Variants in CNPY3 observed in about 807,000 individuals in gnomAD.
The protein encoded by CNPY3 is protein canopy homolog 3.
A neutral mutation model predicts 32.0 loss-of-function variants in CNPY3; 20 were observed. That is an observed-to-expected ratio of 0.63 (90% CI 0.44 to 0.91). CNPY3 has a LOEUF of 0.91. Among genes scored for constraint, CNPY3 ranks in the 40% least tolerant of loss-of-function variants. The probability of loss-of-function intolerance (pLI) is 0.00; values close to 1 mark genes in which losing one functional copy is unlikely to be tolerated. For synonymous variants in CNPY3, 138 were observed against 142.9 expected (o/e 0.97, Z 0.24); for missense variants, 299 against 340.8 (o/e 0.88, Z 0.97).
intron 3 of CNPY3, among the ~76,000 whole-genome samples, chr6:42,937,016 A>G (rs75385607): frequency 6.6e-6 from 1 of 152,180 alleles, no homozygotes; most frequent in East Asian, 1.9e-4. Context: ...GCTAGCAGAG[A>G]TAGTTTTTAC....
At chr6:42,938,284 G>GC in intron 5 of CNPY3, 77 bp downstream of exon 5, 2 of 1,116,642 alleles carry the variant, frequency 1.8e-6, no homozygotes, top group Non-Finnish European at 2.7e-6. Flanking sequence ...GGTAGGAGGA[G>GC]AAACAGAGGG....
rs769648687 is a variant in CNPY3 at position 42,929,598 on chromosome 6, C to G, written c.28C>G (p.Arg10Gly). The change falls in exon 1 of 6, where the codon CGC (arginine) becomes GGC (glycine). Residue 10 changes from arginine to glycine, a missense_variant. Transcript: ENST00000372836. The part of the protein sequence containing the change: MDSMPEPAS[R>G]CLLLLPLLLL... Reference sequence around the variant, plus strand: ...GGATTCAATGCCTGAGCCCGCGTCCCGCTGTCTTCTGCTTCTTCCCTTGCT... The same window carrying G: ...GGATTCAATGCCTGAGCCCGCGTCCGGCTGTCTTCTGCTTCTTCCCTTGCT... The G allele has an allele frequency of 1.3e-6, 2 of 1,572,828 alleles. No homozygotes were observed. The highest frequency in any genetic ancestry group is 1.2e-5 in the South Asian group (1 of 86,572).
rs371606876 is a variant in CNPY3 at position 42,938,666 on chromosome 6, G to A, written c.712G>A (p.Gly238Ser). Residue 238 changes from glycine (G) to serine (S), a missense_variant, in exon 6 of 6, where the codon GGC becomes AGC. Around this residue, in one of 2 missense-constraint regions of CNPY3, gnomAD observed 211 missense variants for 278.3 expected, o/e 0.76. Coordinates refer to ENST00000372836, the MANE Select transcript of CNPY3 (RefSeq NM_006586.5). ...KKSSRAKAAG[G>S]RSSSSKQRKE... ...GAGCAGCAGGGCCAAGGCAGCAGGC[G>A]GCAGGAGTAGCAGCAGCAAACAAAG... 8.7e-6 allele frequency: 14 copies of A among 1,613,414 alleles called. No individual in the cohort carries two copies. The East Asian group carries it at 1.1e-4, about 13-fold the overall frequency.
rs1030304629 is a variant in CNPY3, at chr6:42,938,957, G to T, written c.*166G>T. 2.1e-6 allele frequency: 3 copies of T among 1,408,520 alleles called. No individual in the cohort carries two copies. The highest frequency in any genetic ancestry group is 5.2e-5 in the East Asian group (2 of 38,552). 87.3% of individuals were successfully genotyped at this position (1,408,520 alleles called of 1,614,324 possible). On this transcript the variant is annotated 3_prime_UTR_variant, in exon 6 of 6. Coordinates refer to ENST00000372836, the MANE Select transcript of CNPY3 (RefSeq NM_006586.5). ...CAAGCCCCAGGAAGAACTCAGAGCC[G>T]TCATGGGTAGCCCACGCCGTCCTTT...
intron 1 of CNPY3, among the ~76,000 whole-genome samples, chr6:42,932,880 G>T (rs890623557): frequency 2.0e-5 from 3 of 152,208 alleles, no homozygotes; most frequent in African/African-American, 7.2e-5. Flanking sequence ...TGTGCTGTCA[G>T]TGTTAAAACT....
At chr6:42,935,764 C>T in intron 3 of CNPY3, 94 bp downstream of exon 3, 1 of 1,348,464 alleles carries the variant, frequency 7.4e-7, no homozygotes, top group Admixed American at 2.0e-5. Context: ...AAGATGACCA[C>T]CTGGGATCTT....
At chr6:42,930,747 G>T (rs1028229391) in intron 1 of CNPY3, among the ~76,000 whole-genome samples, 3 of 152,158 alleles carry the variant, frequency 2.0e-5, no homozygotes, top group African/African-American at 7.2e-5. Context: ...CTAAACACTG[G>T]AAAGTGGGTT....
At chr6:42,935,796 C>G (rs1240154159) in intron 3 of CNPY3, 126 bp downstream of exon 3, 15 of 1,097,066 alleles carry the variant, frequency 1.4e-5, no homozygotes, top group African/African-American at 4.7e-5. Flanking sequence ...TCTTCCCATT[C>G]TTTGATTGCC....
At chr6:42,936,839 C>T (rs570665452) in intron 3 of CNPY3, among the ~76,000 whole-genome samples, 5 of 152,202 alleles carry the variant, frequency 3.3e-5, no homozygotes, top group African/African-American at 1.2e-4. Context: ...CCCAGCCCTT[C>T]AAGGTATAAG....
chr6:42,935,680 G>T lies in CNPY3; in HGVS notation c.372+10G>T, dbSNP rs373064410. On this transcript the variant is annotated intron_variant, in intron 3 of 5. Coordinates refer to ENST00000372836, the MANE Select transcript of CNPY3 (RefSeq NM_006586.5). ...CAATCGATTTGCCAAGGTTGGATTC[G>T]GGATTGTCCTTCATCCGCTCTGGGG... The T allele has an allele frequency of 2.5e-6, 4 of 1,606,244 alleles. No individual in the cohort carries two copies. The African/African-American group carries it at 5.3e-5, about 21-fold the overall frequency.
chr6:42,929,769 C>G (rs1349505672), intron 1 of CNPY3, 48 bp downstream of exon 1: 8 of 1,514,420 alleles, frequency 5.3e-6, no homozygotes, highest in Non-Finnish European at 2.7e-6. Context: ...GGGGCTGGCT[C>G]CAGCGGTGGT....
At chr6:42,934,688 C>A in intron 2 of CNPY3, 90 bp downstream of exon 2, 1 of 1,550,742 alleles carries the variant, frequency 6.4e-7, no homozygotes, top group Non-Finnish European at 8.8e-7. Flanking sequence ...AGGCAAACCC[C>A]CTACAAGGGC....
chr6:42,935,791 C>G (rs1001736276), intron 3 of CNPY3, 121 bp downstream of exon 3: 1 of 1,150,802 alleles, frequency 8.7e-7, no homozygotes, highest in East Asian at 2.6e-5. Flanking sequence ...TTGCCTCTTC[C>G]CATTCTTTGA....
At position 42,934,570 on chromosome 6, in the gene CNPY3, A is replaced by G. The variant is rs1050096392; in HGVS notation, c.247A>G (p.Lys83Glu). 1 of 1,614,082 alleles carries G rather than the reference A, an allele frequency of 6.2e-7. No individual in the cohort carries two copies. The highest frequency in any genetic ancestry group is 1.3e-5 in the African/African-American group (1 of 75,028). ...IGTGYGILDQ[K>E]ASGVKYTKSD... ...CACGGGCTATGGCATCCTGGACCAG[A>G]AGGCCTCTGGAGTCAAATACACCAA... Residue 83 changes from lysine to glutamate, a missense_variant, in exon 2 of 6, where the codon AAG becomes GAG. Physicochemically the swap from Lys to Glu is moderately conservative, Grantham distance 56 (BLOSUM62 1). This residue lies in a region of CNPY3 where 211 missense variants were observed against 278.3 expected (regional missense o/e 0.76). Transcript: ENST00000372836.
chr6:42,929,610 C>T lies in CNPY3; in HGVS notation c.40C>T (p.Leu14Phe), dbSNP rs1241746550. 3 of 1,568,898 alleles carry T rather than the reference C, an allele frequency of 1.9e-6. No homozygotes were observed. Among genetic ancestry groups the T allele is most frequent in the Non-Finnish European group, 2.6e-6 (3 of 1,157,874 alleles). Reference sequence around the variant, plus strand: ...TGAGCCCGCGTCCCGCTGTCTTCTGCTTCTTCCCTTGCTGCTGCTGCTGCT... The same window carrying T: ...TGAGCCCGCGTCCCGCTGTCTTCTGTTTCTTCCCTTGCTGCTGCTGCTGCT... ...MPEPASRCLL[L>F]LPLLLLLLLL... is the part of the protein sequence containing the mutation. The change falls in exon 1 of 6, where the codon CTT becomes TTT. Residue 14 changes from leucine to phenylalanine, a missense_variant. By Grantham distance (22) the Leu-to-Phe change is conservative (BLOSUM62 0). Coordinates refer to ENST00000372836, the MANE Select transcript of CNPY3 (RefSeq NM_006586.5).
rs796540345 is a variant in CNPY3 at position 42,931,377 on chromosome 6, C to CTT, written c.151+1669_151+1670dup. On this transcript the variant is annotated intron_variant, in intron 1 of 5. Transcript: ENST00000372836. ...ACAGGCATGAGCCACCGTGCCTGGC[C>CTT]TTTTTTTTTTTTTTGAGACGGAGTC... Among the ~76,000 whole-genome samples the CTT allele has an allele frequency of 1.6e-3, 229 of 141,104 alleles. 2 individuals carry two copies. The highest frequency in any genetic ancestry group is 5.5e-3 in the African/African-American group (207 of 37,756). The allele number at this position is 141,104 out of a possible 152,430, so 92.6% of individuals were successfully genotyped here.
Position 42,938,721 on chromosome 6 carries a change from C to A in CNPY3, c.767C>A (p.Pro256His), listed in dbSNP as rs374869606. ...RKELGGLEGD[P>H]SPEEDEGIQK... ...GAGCTGGGTGGCCTTGAGGGAGACC[C>A]CAGCCCCGAGGAGGATGAGGGCATC... is the stretch of plus-strand genomic sequence containing the variant. Residue 256 changes from proline (P) to histidine (H), a missense_variant, in exon 6 of 6, where the codon CCC becomes CAC. Transcript: ENST00000372836. 1.5e-5 allele frequency: 24 copies of A among 1,613,752 alleles called. No individual in the cohort carries two copies. The African/African-American group carries it at 3.2e-4, about 22-fold the overall frequency.
In CNPY3 at chr6:42,929,618, C is replaced by T; in HGVS notation, c.48C>T (p.Pro16=). 6.4e-7 allele frequency: 1 copy of T among 1,565,552 alleles called. No individual in the cohort carries two copies. The highest frequency in any genetic ancestry group is 8.6e-7 in the Non-Finnish European group (1 of 1,156,080). ...EPASRCLLLL[P]LLLLLLLLLP... ...CGTCCCGCTGTCTTCTGCTTCTTCC[C>T]TTGCTGCTGCTGCTGCTGCTGCTGC... The change falls in exon 1 of 6, where the codon CCC becomes CCT. Residue 16 remains proline (P), a synonymous_variant. Transcript: ENST00000372836.
intron 5 of CNPY3, among the ~76,000 whole-genome samples, 164 bp from the exon 6 acceptor site, chr6:42,938,404 G>T (rs925288332): frequency 6.6e-6 from 1 of 152,154 alleles, no homozygotes; most frequent in Non-Finnish European, 1.5e-5. Flanking sequence ...CAAGTCAGAT[G>T]CCCCCAGAGG....
Sources: allele counts gnomAD v4.1 joint callset (sites outside exome capture counted in the v4.1 genomes callset), GRCh38; gene constraint gnomAD v4.1.1; regional missense constraint gnomAD v4.1.1; transcripts MANE v1.5; gene names NCBI Gene and HGNC (gene_info 2026-07-23, HGNC 2026-07-21).